ARHGAP28: variants seen among roughly 807,000 people sequenced by gnomAD.
The protein encoded by ARHGAP28 is Rho GTPase activating protein 28.
In ARHGAP28, 56 loss-of-function variants were observed where a neutral mutation model predicts 90.7. The ratio of observed to expected loss-of-function variants is 0.62; its 90% CI spans 0.50 to 0.77. The LOEUF (loss-of-function observed/expected upper bound fraction) is 0.77. ARHGAP28 is among the 30% of genes least tolerant of loss of function. The pLI is 0.00. For missense variants in ARHGAP28, 869 were observed against 900.9 expected (o/e 0.96, Z 0.45); for synonymous variants, 308 against 323.3 (o/e 0.95, Z 0.51).
intron 4 of ARHGAP28, among the ~76,000 whole-genome samples, chr18:6,859,534 A>C (rs1357630256): frequency 3.3e-5 from 5 of 152,184 alleles, no homozygotes; most frequent in Non-Finnish European, 7.3e-5. Context: ...ATTTACCCCA[A>C]TTCCCTGGAA....
At chr18:6,829,830 G>A (rs992316877) in intron 2 of ARHGAP28, among the ~76,000 whole-genome samples, 1 of 152,152 alleles carries the variant, frequency 6.6e-6, no homozygotes, top group Non-Finnish European at 1.5e-5. Flanking sequence ...CAGTTTACTA[G>A]GGCTGCTGTA....
At chr18:6,894,933 A>G (rs776989784) in intron 15 of ARHGAP28, 42 bp downstream of exon 15, 18 of 1,564,226 alleles carry the variant, frequency 1.2e-5, no homozygotes, top group South Asian at 3.3e-5. Flanking sequence ...AACTCCCTAT[A>G]TAGTCTTCTC....
intron 17 of ARHGAP28, among the ~76,000 whole-genome samples, chr18:6,911,001 C>A (rs1244028865): frequency 6.6e-6 from 1 of 151,976 alleles, no homozygotes; most frequent in Non-Finnish European, 1.5e-5. Flanking sequence ...CCCATCACCA[C>A]GCCCGGCTAA....
At chr18:6,882,026 C>A in intron 10 of ARHGAP28, 111 bp from the exon 11 acceptor site, 2 of 981,424 alleles carry the variant, frequency 2.0e-6, no homozygotes, top group Non-Finnish European at 2.9e-6. Flanking sequence ...GTAGACATTA[C>A]CTTACCAGTC....
At position 6,914,590 on chromosome 18, in the gene ARHGAP28, A is replaced by C. The variant is rs201563511; in HGVS notation, c.*2436A>C. On this transcript the variant is annotated 3_prime_UTR_variant, in exon 18 of 18. Coordinates refer to ENST00000383472, the MANE Select transcript of ARHGAP28 (RefSeq NM_001366230.1). ...TAAGTATTGAAAGAATTTTTGCCTT[A>C]TCAAGAGTTGTTTTTTAAAAATTTA... is the stretch of plus-strand genomic sequence containing the variant. The C allele has an allele frequency of 1.6e-4, 1 of 6,116 alleles. No individual in the cohort carries two copies. Among genetic ancestry groups the C allele is most frequent in the African/African-American group, 4.9e-4 (1 of 2,026 alleles). 0.4% of individuals were successfully genotyped at this position (6,116 alleles called of 1,614,324 possible).
At chr18:6,732,631 T>G (rs960056798) in intron 1 of ARHGAP28, among the ~76,000 whole-genome samples, 1 of 152,212 alleles carries the variant, frequency 6.6e-6, no homozygotes, top group African/African-American at 2.4e-5. Flanking sequence ...CCTTCAACAT[T>G]GAGGCAGTTT....
chr18:6,890,516 G>A lies in ARHGAP28; in HGVS notation c.1821G>A (p.Leu607=). 6.2e-7 allele frequency: 1 copy of A among 1,612,390 alleles called. No homozygotes were observed. The highest frequency in any genetic ancestry group is 8.5e-7 in the Non-Finnish European group (1 of 1,179,392). The change falls in exon 14 of 18, where the codon CTG becomes CTA. Residue 607 remains leucine, a synonymous_variant. Coordinates refer to ENST00000383472, the MANE Select transcript of ARHGAP28 (RefSeq NM_001366230.1). ...AGCAGCTCCCAAGTGTCAGGAAGCTGCTCAGGAGGAAGACCCTCGAGCGGG... is the reference window on the plus strand; with the variant it reads ...AGCAGCTCCCAAGTGTCAGGAAGCTACTCAGGAGGAAGACCCTCGAGCGGG... The part of the protein sequence containing the change: ...LKKQLPSVRK[L]LRRKTLERET...
intron 1 of ARHGAP28, among the ~76,000 whole-genome samples, chr18:6,745,567 A>G (rs1253518450): frequency 6.6e-6 from 1 of 152,222 alleles, no homozygotes; most frequent in Non-Finnish European, 1.5e-5. Flanking sequence ...CCATGTAACT[A>G]CCATCCAAAA....
rs899780451 is a variant in ARHGAP28 at position 6,766,576 on chromosome 18, G to C, written c.122+36633G>C. 1.3e-5 allele frequency among the ~76,000 whole-genome samples: 2 copies of C among 152,062 alleles called. 1 individual carries two copies. Among genetic ancestry groups the C allele is most frequent in the Admixed American group, 1.3e-4 (2 of 15,284 alleles). On this transcript the variant is annotated intron_variant, in intron 1 of 17. Coordinates refer to ENST00000383472, the MANE Select transcript of ARHGAP28 (RefSeq NM_001366230.1). Reference sequence around the variant, plus strand: ...CGGGGCTGATACAGCGCCAATGCCAGCTCCTCTGATGGGCAGTTTCTGCTG... The same window carrying C: ...CGGGGCTGATACAGCGCCAATGCCACCTCCTCTGATGGGCAGTTTCTGCTG...
intron 1 of ARHGAP28, chr18:6,791,709 A>C (rs1034108650): frequency 6.6e-6 from 1 of 152,194 alleles, no homozygotes; most frequent in Non-Finnish European, 1.5e-5. Context: ...TTTTCCCTCA[A>C]ATTACACTAT....
At chr18:6,878,844 A>G (rs200264305) in intron 10 of ARHGAP28, among the ~76,000 whole-genome samples, 6 of 152,382 alleles carry the variant, frequency 3.9e-5, no homozygotes, top group East Asian at 1.9e-4. Flanking sequence ...AACGTGATGC[A>G]TTAAAGGGTT....
At chr18:6,816,034 G>T (rs574901654) in intron 1 of ARHGAP28, among the ~76,000 whole-genome samples, 6 of 152,240 alleles carry the variant, frequency 3.9e-5, no homozygotes, top group African/African-American at 1.4e-4. Flanking sequence ...CCAACAGAGA[G>T]GTTCAGGCAG....
chr18:6,862,022 G>A (rs1276695398), intron 5 of ARHGAP28, among the ~76,000 whole-genome samples: 6 of 152,108 alleles, frequency 3.9e-5, no homozygotes, highest in Non-Finnish European at 8.8e-5. Flanking sequence ...GCAGTATTGG[G>A]TCTAAAAAAT....
intron 3 of ARHGAP28, among the ~76,000 whole-genome samples, chr18:6,849,900 C>T (rs1403320068): frequency 2.6e-5 from 4 of 152,112 alleles, no homozygotes; most frequent in African/African-American, 9.7e-5. Flanking sequence ...TGAACAGTCT[C>T]TTCCAAGTAT....
intron 1 of ARHGAP28, among the ~76,000 whole-genome samples, chr18:6,760,820 C>G (rs1483933782): frequency 6.6e-6 from 1 of 152,170 alleles, no homozygotes; most frequent in Admixed American, 6.5e-5. Flanking sequence ...GTGACTCAAT[C>G]TCTTCAAGAG....
chr18:6,832,058 C>A (rs995880479), intron 2 of ARHGAP28, among the ~76,000 whole-genome samples: 1 of 151,922 alleles, frequency 6.6e-6, no homozygotes, highest in Non-Finnish European at 1.5e-5. Flanking sequence ...AAGATGGAAA[C>A]CTAGACCATT....
rs773111349 is a variant in ARHGAP28, at chr18:6,824,812, C to T, written c.173C>T (p.Ser58Phe). 31 of 1,536,428 alleles carry T rather than the reference C, an allele frequency of 2.0e-5. No homozygotes were observed. The highest frequency in any genetic ancestry group is 2.6e-5 in the Non-Finnish European group (30 of 1,146,964). The change falls in exon 2 of 18, where the codon TCC becomes TTC. Residue 58 changes from serine to phenylalanine, a missense_variant. By Grantham distance (155) the Ser-to-Phe change is radical. Transcript: ENST00000383472. Reference sequence around the variant, plus strand: ...ATTAACAGGATGCTCTCCAATGAATCCCTCCATCCTCCTGCCTTCAGCCGT... The same window carrying T: ...ATTAACAGGATGCTCTCCAATGAATTCCTCCATCCTCCTGCCTTCAGCCGT... Reference protein sequence around the residue: ...RRINRMLSNESLHPPAFSRSN... With the variant: ...RRINRMLSNEFLHPPAFSRSN...
chr18:6,892,890 C>T (rs1373574351), intron 14 of ARHGAP28, among the ~76,000 whole-genome samples: 1 of 152,236 alleles, frequency 6.6e-6, no homozygotes, highest in Non-Finnish European at 1.5e-5. Context: ...GTTTCTAATT[C>T]TGCCTGAGTC....
intron 1 of ARHGAP28, among the ~76,000 whole-genome samples, chr18:6,819,168 C>G (rs376173387): frequency 6.6e-6 from 1 of 152,028 alleles, no homozygotes; most frequent in Non-Finnish European, 1.5e-5. Context: ...ATATACTTAA[C>G]AACTAAACTT....
Sources: allele counts gnomAD v4.1 joint callset (sites outside exome capture counted in the v4.1 genomes callset), GRCh38; gene constraint gnomAD v4.1.1; transcripts MANE v1.5; gene names NCBI Gene and HGNC (gene_info 2026-07-23, HGNC 2026-07-21).